MAPKAP1: variants seen among roughly 807,000 people sequenced by gnomAD.
The protein encoded by MAPKAP1 is target of rapamycin complex 2 subunit MAPKAP1.
Under a neutral mutation model 65.7 loss-of-function variants are expected in MAPKAP1, and 20 were observed. That is an observed-to-expected ratio of 0.30 (90% confidence interval 0.21 to 0.44). The LOEUF (loss-of-function observed/expected upper bound fraction) is 0.44, where lower values mean the gene tolerates loss of function less well. Among genes scored for constraint, MAPKAP1 ranks in the 20% least tolerant of loss-of-function variants. The pLI is 1.00. For missense variants in MAPKAP1, 423 were observed against 648.0 expected, an observed-to-expected ratio of 0.65 and a Z score of 3.77; for synonymous variants, 222 against 244.3, an observed-to-expected ratio of 0.91 and a Z score of 0.85.
chr9:125,702,979 C>T (rs765618413), intron 1 of MAPKAP1, among the ~76,000 whole-genome samples: 13 of 152,164 alleles, frequency 8.5e-5, no homozygotes, highest in Non-Finnish European at 7.4e-5. Flanking sequence ...GCTATTACCA[C>T]GAAACTGCAC....
chr9:125,577,433 G>A (rs1831454247), intron 5 of MAPKAP1, among the ~76,000 whole-genome samples: 1 of 146,398 alleles, frequency 6.8e-6, no homozygotes, highest in Non-Finnish European at 1.5e-5. Flanking sequence ...CCGGGAGGGA[G>A]GTGGGGGGAT....
intron 4 of MAPKAP1, among the ~76,000 whole-genome samples, chr9:125,651,833 G>A: frequency 6.6e-6 from 1 of 152,142 alleles, no homozygotes; most frequent in African/African-American, 2.4e-5. Flanking sequence ...GTTGAGTAGG[G>A]GTTGGGGGTA....
At chr9:125,468,548 A>T (rs1853771969) in intron 9 of MAPKAP1, among the ~76,000 whole-genome samples, 1 of 152,268 alleles carries the variant, frequency 6.6e-6, no homozygotes. Context: ...AATCTGTAAC[A>T]TCCCTATGTT....
intron 6 of MAPKAP1, among the ~76,000 whole-genome samples, chr9:125,557,688 G>A (rs538861590): frequency 6.1e-5 from 9 of 148,638 alleles, no homozygotes; most frequent in East Asian, 2.3e-4. Flanking sequence ...TTCTGTGATC[G>A]GCTTCCACTA....
intron 4 of MAPKAP1, among the ~76,000 whole-genome samples, chr9:125,628,106 T>C (rs1270189273): frequency 6.6e-6 from 1 of 152,142 alleles, no homozygotes; most frequent in South Asian, 2.1e-4. Flanking sequence ...AAAGGACATA[T>C]AAATATATAA....
At chr9:125,703,804 G>C (rs1835677279) in intron 1 of MAPKAP1, among the ~76,000 whole-genome samples, 1 of 149,514 alleles carries the variant, frequency 6.7e-6, no homozygotes. Flanking sequence ...CGTGACAGAA[G>C]TCCTTGTCAT....
intron 8 of MAPKAP1, 91 bp downstream of exon 8, chr9:125,506,219 G>A (rs1299364659): frequency 9.0e-7 from 1 of 1,108,922 alleles, no homozygotes; most frequent in Non-Finnish European, 1.4e-6. Context: ...ATCTGCCTAG[G>A]GAAACCAGAC....
chr9:125,586,096 T>C (rs954151838), intron 4 of MAPKAP1, among the ~76,000 whole-genome samples: 6 of 152,084 alleles, frequency 3.9e-5, no homozygotes, highest in African/African-American at 1.4e-4. Context: ...TCATTGTCCT[T>C]GAGACAATGA....
intron 5 of MAPKAP1, chr9:125,573,012 A>C (rs185990327): frequency 2.0e-5 from 3 of 150,868 alleles, no homozygotes; most frequent in Admixed American, 2.0e-4. Flanking sequence ...CAGGAATATC[A>C]TAATCGCTAT....
At chr9:125,657,613 A>T in intron 4 of MAPKAP1, 38 bp downstream of exon 4, 1 of 1,545,546 alleles carries the variant, frequency 6.5e-7, no homozygotes. Flanking sequence ...ACTCAATTAC[A>T]GTTTTACTTA....
At chr9:125,494,811 C>T (rs1346394138) in intron 8 of MAPKAP1, among the ~76,000 whole-genome samples, 2 of 152,188 alleles carry the variant, frequency 1.3e-5, no homozygotes, top group Non-Finnish European at 2.9e-5. Context: ...TCTCATTCTT[C>T]TCACCTGCTC....
At chr9:125,543,665 G>T (rs185984473) in intron 6 of MAPKAP1, among the ~76,000 whole-genome samples, 2 of 150,994 alleles carry the variant, frequency 1.3e-5, no homozygotes, top group Non-Finnish European at 3.0e-5. Context: ...GGTGGGTGGC[G>T]GGGGGGCAGT....
intron 7 of MAPKAP1, among the ~76,000 whole-genome samples, chr9:125,526,931 G>A (rs924752827): frequency 4.0e-5 from 6 of 151,790 alleles, no homozygotes; most frequent in Non-Finnish European, 8.8e-5. Flanking sequence ...GTGCCACCAC[G>A]CCCAGCTAAT....
intron 4 of MAPKAP1, among the ~76,000 whole-genome samples, chr9:125,648,485 C>T (rs1171056959): frequency 6.6e-6 from 1 of 152,186 alleles, no homozygotes; most frequent in Non-Finnish European, 1.5e-5. Flanking sequence ...ACGCAGAAAT[C>T]AAGGCTCATA....
chr9:125,441,113 G>T (rs1852464307), intron 11 of MAPKAP1, among the ~76,000 whole-genome samples: 1 of 152,206 alleles, frequency 6.6e-6, no homozygotes, highest in Non-Finnish European at 1.5e-5. Context: ...ATGCACTATA[G>T]AGTGTTTCAT....
chr9:125,628,866 TCAACAA>T (rs71374283), intron 4 of MAPKAP1, among the ~76,000 whole-genome samples: 8 of 151,226 alleles, frequency 5.3e-5, no homozygotes, highest in South Asian at 2.1e-4. Context: ...ACTCTACAAC[TCAACAA>T]CAACAACAAC....
chr9:125,669,857 T>C lies in MAPKAP1; in HGVS notation c.310A>G (p.Lys104Glu). The change falls in exon 3 of 12, where the codon AAA (lysine) becomes GAA (glutamate). Residue 104 changes from lysine (K) to glutamate (E), a missense_variant. Lys to Glu is a moderately conservative substitution (Grantham distance 56, BLOSUM62 1). Around this residue, in one of 6 missense-constraint regions of MAPKAP1, gnomAD observed 67 missense variants for 69.6 expected, o/e 0.96. Transcript: ENST00000265960. ...RKERQNQIKC[K>E]NIQWKERNSK... ...TTTCTTTCTTTCCACTGAATATTTT[T>C]GCATTTGATCTGGTTTTGTCTCTCT... is the stretch of plus-strand genomic sequence containing the variant. The C allele has an allele frequency of 6.3e-7, 1 of 1,595,892 alleles. No individual in the cohort carries two copies. The highest frequency in any genetic ancestry group is 8.6e-7 in the Non-Finnish European group (1 of 1,168,988).
At chr9:125,599,362 T>G (rs1832236295) in intron 4 of MAPKAP1, among the ~76,000 whole-genome samples, 1 of 152,216 alleles carries the variant, frequency 6.6e-6, no homozygotes, top group Non-Finnish European at 1.5e-5. Context: ...TTATGTCCAC[T>G]GAGGTGCAAT....
intron 4 of MAPKAP1, among the ~76,000 whole-genome samples, chr9:125,621,744 A>G (rs1832906283): frequency 6.6e-6 from 1 of 152,242 alleles, no homozygotes; most frequent in South Asian, 2.1e-4. Context: ...GGTCATTAAA[A>G]CAACTTCTTA....
Sources: gnomAD v4.1 joint callset for allele counts (sites outside exome capture counted in the v4.1 genomes callset) on GRCh38, gnomAD v4.1.1 for gene constraint, gnomAD v4.1.1 regional missense constraint, MANE v1.5 for transcripts, NCBI Gene and HGNC (gene_info 2026-07-23, HGNC 2026-07-21) for gene names.